SYNE1: variants seen among roughly 807,000 people sequenced by gnomAD.
The protein encoded by SYNE1 is nesprin-1.
In SYNE1, 616 loss-of-function variants were observed where a neutral mutation model predicts 1,111.0. The observed-to-expected ratio is 0.55, with a 90% CI of 0.52 to 0.59. SYNE1 has a LOEUF of 0.59. Among genes scored for constraint, SYNE1 ranks in the 20% least tolerant of loss-of-function variants. The pLI, the probability that SYNE1 is intolerant of heterozygous loss-of-function variation, is 0.00. For synonymous variants in SYNE1, 3,855 were observed against 3,825.8 expected (o/e 1.01, Z -0.28); for missense variants, 10,006 against 10,417.0 (o/e 0.96, Z 1.72).
At chr6:152,530,017 A>T (rs552301313) in intron 4 of SYNE1, among the ~76,000 whole-genome samples, 1 of 152,344 alleles carries the variant, frequency 6.6e-6, no homozygotes, top group South Asian at 2.1e-4. Flanking sequence ...ACAAAAACTG[A>T]TGTTCACTAT....
chr6:152,434,086 A>C (rs1175436717), intron 33 of SYNE1, 141 bp from the exon 34 acceptor site: 3 of 759,856 alleles, frequency 3.9e-6, no homozygotes, highest in Non-Finnish European at 6.3e-6. Context: ...GCTAAAAAAA[A>C]AATTGCACAG....
At chr6:152,213,901 T>C (rs2078037004) in intron 122 of SYNE1, 142 bp from the exon 123 acceptor site, 2 of 1,281,280 alleles carry the variant, frequency 1.6e-6, no homozygotes, top group African/African-American at 3.2e-5. Flanking sequence ...GTAAAATTAT[T>C]TTAAAAAAGA....
chr6:152,429,369 C>A (rs2098406288), intron 36 of SYNE1, among the ~76,000 whole-genome samples: 1 of 152,102 alleles, frequency 6.6e-6, no homozygotes, highest in Non-Finnish European at 1.5e-5. Context: ...ACTGAATTCT[C>A]CTACTTTTCC....
rs187063971 is a variant in SYNE1, at chr6:152,531,964, T to G, written c.130-5789A>C. ...TGATTAATGCTACTATGAGCGTGAGTGTATTAATATCTCCTGAAGACCCTG... is the reference window on the plus strand; with the variant it reads ...TGATTAATGCTACTATGAGCGTGAGGGTATTAATATCTCCTGAAGACCCTG... On this transcript the variant is annotated intron_variant, in intron 4 of 145. Coordinates refer to ENST00000367255, the MANE Select transcript of SYNE1 (RefSeq NM_182961.4). Among the ~76,000 whole-genome samples, 620 of 152,346 alleles carry G rather than the reference T, an allele frequency of 4.1e-3. 5 individuals are homozygous for G. The highest frequency in any genetic ancestry group is 0.013 in the African/African-American group (552 of 41,574).
intron 59 of SYNE1, among the ~76,000 whole-genome samples, chr6:152,371,848 G>C (rs573387433): frequency 1.9e-4 from 1 of 5,356 alleles, no homozygotes; most frequent in African/African-American, 4.0e-4. Context: ...GACAGGACAG[G>C]AAAGGAAAGG....
intron 84 of SYNE1, among the ~76,000 whole-genome samples, chr6:152,319,318 T>A (rs994915345): frequency 6.6e-6 from 1 of 152,218 alleles, no homozygotes; most frequent in African/African-American, 2.4e-5. Context: ...TGAGTTTGAA[T>A]CCTATCTTCT....
At chr6:152,145,421 G>A in intron 137 of SYNE1, 2 of 1,452,510 alleles carry the variant, frequency 1.4e-6, no homozygotes, top group Non-Finnish European at 9.7e-7. Context: ...GACAGCAGAT[G>A]TGCTAAGAGA....
intron 30 of SYNE1, among the ~76,000 whole-genome samples, chr6:152,443,475 A>G (rs904448532): frequency 6.6e-6 from 1 of 152,194 alleles, no homozygotes; most frequent in African/African-American, 2.4e-5. Flanking sequence ...CACGTTAGCC[A>G]GGATGGTCTC....
intron 101 of SYNE1, among the ~76,000 whole-genome samples, chr6:152,261,658 T>A (rs112749235): frequency 9.5e-4 from 144 of 152,308 alleles, no homozygotes; most frequent in Admixed American, 2.3e-3. Flanking sequence ...CACAATTGAG[T>A]TCCAGATTTG....
chr6:152,331,929 T>C (rs2096255966), intron 77 of SYNE1, 39 bp from the exon 78 acceptor site: 1 of 1,603,704 alleles, frequency 6.2e-7, no homozygotes, highest in Middle Eastern at 1.7e-4. Context: ...AAATTAGCTG[T>C]AGTCAATATC....
chr6:152,314,921 TGACGA>T (rs1316738691), intron 87 of SYNE1, among the ~76,000 whole-genome samples: 1 of 127,826 alleles, frequency 7.8e-6, no homozygotes, highest in South Asian at 3.1e-4. Flanking sequence ...ACTGCAATGA[TGACGA>T]GGTTGCAGTG....
At chr6:152,443,365 T>A (rs912374866) in intron 30 of SYNE1, among the ~76,000 whole-genome samples, 1 of 152,042 alleles carries the variant, frequency 6.6e-6, no homozygotes, top group Non-Finnish European at 1.5e-5. Flanking sequence ...CCCGGGTTCA[T>A]GCCATTCTCC....
intron 3 of SYNE1, among the ~76,000 whole-genome samples, chr6:152,607,964 A>T (rs911024426): frequency 3.3e-5 from 5 of 152,282 alleles, no homozygotes; most frequent in Middle Eastern, 3.4e-3. Flanking sequence ...GTTGTCACTC[A>T]TAAGTGGGAG....
rs758221444 is a variant in SYNE1, at chr6:152,329,746, G to T, written c.14939C>A (p.Ala4980Asp). The T allele has an allele frequency of 4.3e-6, 7 of 1,614,188 alleles. No individual in the cohort carries two copies. Among genetic ancestry groups the T allele is most frequent in the East Asian group, 4.5e-5 (2 of 44,882 alleles). The change falls in exon 78 of 146, where the codon GCC (alanine) becomes GAC (aspartate). Residue 4980 changes from alanine (A) to aspartate (D), a missense_variant. Transcript: ENST00000367255. Reference protein sequence around the residue: ...LSELDGDIQEALRTRQATLTE... With the variant: ...LSELDGDIQEDLRTRQATLTE... ...TATACCCACCTGTCTGGTGCGTAAG[G>T]CTTCCTGGATGTCTCCATCCAGCTC...
intron 145 of SYNE1, chr6:152,128,018 T>G (rs1157129979): frequency 6.6e-6 from 1 of 152,180 alleles, no homozygotes; most frequent in African/African-American, 2.4e-5. Context: ...ATTCTAAGCT[T>G]TAGAATGAAG....
At chr6:152,501,542 C>G (rs1437138920) in intron 10 of SYNE1, among the ~76,000 whole-genome samples, 1 of 152,108 alleles carries the variant, frequency 6.6e-6, no homozygotes, top group Admixed American at 6.6e-5. Context: ...TGAGACTAGC[C>G]TGGCCAACAT....
At chr6:152,549,086 T>C (rs946760175) in intron 3 of SYNE1, among the ~76,000 whole-genome samples, 1 of 152,166 alleles carries the variant, frequency 6.6e-6, no homozygotes, top group African/African-American at 2.4e-5. Flanking sequence ...ATCTTCAAGC[T>C]CAGTCAGCCC....
At chr6:152,286,979 T>C (rs954431089) in intron 95 of SYNE1, among the ~76,000 whole-genome samples, 1 of 152,226 alleles carries the variant, frequency 6.6e-6, no homozygotes, top group African/African-American at 2.4e-5. Context: ...CACAGAATAA[T>C]AACAGTCTGC....
chr6:152,254,244 CT>C (rs773598537), intron 104 of SYNE1, among the ~76,000 whole-genome samples: 3,631 of 72,762 alleles, frequency 0.05, 10 homozygotes, highest in East Asian at 0.096. Context: ...TCTGCATACT[CT>C]TTTTTTTTTT....
Sources: allele counts gnomAD v4.1 joint callset (sites outside exome capture counted in the v4.1 genomes callset), GRCh38; gene constraint gnomAD v4.1.1; transcripts MANE v1.5; gene names NCBI Gene and HGNC (gene_info 2026-07-23, HGNC 2026-07-21).